ALK: variants seen among roughly 807,000 people sequenced by gnomAD.
ALK encodes the protein ALK tyrosine kinase receptor.
A neutral mutation model predicts 163.1 loss-of-function variants in ALK; 74 were observed. The observed-to-expected ratio is 0.45, with a 90% CI of 0.38 to 0.55. The LOEUF (loss-of-function observed/expected upper bound fraction) is 0.55, where lower values mean the gene tolerates loss of function less well. ALK is among the 20% of genes least tolerant of loss of function. ALK has a pLI of 0.00. For missense variants in ALK, 2,063 were observed against 2,105.3 expected, an observed-to-expected ratio of 0.98 and a Z score of 0.39; for synonymous variants, 960 against 843.2, an observed-to-expected ratio of 1.14 and a Z score of -2.40.
chr2:29,585,505 T>C (rs1674856527), intron 3 of ALK, among the ~76,000 whole-genome samples: 1 of 152,068 alleles, frequency 6.6e-6, no homozygotes, highest in Admixed American at 6.5e-5. Context: ...TTTTTATATT[T>C]TTAGTAGAGA....
intron 1 of ALK, among the ~76,000 whole-genome samples, chr2:29,780,260 A>G (rs1222013254): frequency 6.6e-6 from 1 of 152,152 alleles, no homozygotes; most frequent in East Asian, 1.9e-4. Context: ...CCTCCTGTCC[A>G]TGGACCTGAG....
intron 3 of ALK, among the ~76,000 whole-genome samples, chr2:29,621,107 G>C (rs534283035): frequency 6.6e-6 from 1 of 152,268 alleles, no homozygotes; most frequent in South Asian, 2.1e-4. Flanking sequence ...AGGAGGGGGA[G>C]AGATTCACAG....
chr2:29,905,932 T>C (rs1667534782), intron 1 of ALK, among the ~76,000 whole-genome samples: 1 of 152,190 alleles, frequency 6.6e-6, no homozygotes, highest in Non-Finnish European at 1.5e-5. Flanking sequence ...TGCATGGCCT[T>C]GGATACATTT....
intron 3 of ALK, among the ~76,000 whole-genome samples, chr2:29,645,391 A>C (rs961378721): frequency 6.6e-6 from 1 of 152,166 alleles, no homozygotes; most frequent in Non-Finnish European, 1.5e-5. Flanking sequence ...GGCTTCTTTC[A>C]TATAAGACCC....
At chr2:29,778,016 C>A (rs1213315088) in intron 1 of ALK, among the ~76,000 whole-genome samples, 1 of 152,212 alleles carries the variant, frequency 6.6e-6, no homozygotes, top group Non-Finnish European at 1.5e-5. Context: ...AGCAGGGGGA[C>A]ACCTCAGCTC....
At chr2:29,274,707 C>A (rs1383987648) in intron 11 of ALK, among the ~76,000 whole-genome samples, 1 of 152,168 alleles carries the variant, frequency 6.6e-6, no homozygotes, top group East Asian at 1.9e-4. Flanking sequence ...TACCTTTGTG[C>A]AACAGATAAC....
intron 1 of ALK, among the ~76,000 whole-genome samples, chr2:29,880,035 A>G (rs563852798): frequency 1.3e-5 from 2 of 152,358 alleles, no homozygotes; most frequent in South Asian, 4.1e-4. Flanking sequence ...AAGAAGCTCC[A>G]TACTACAGAT....
intron 8 of ALK, among the ~76,000 whole-genome samples, chr2:29,312,960 A>T (rs1666732766): frequency 6.6e-6 from 1 of 152,146 alleles, no homozygotes; most frequent in Admixed American, 6.5e-5. Flanking sequence ...CAAATACCTG[A>T]CCAAAGGGAC....
intron 3 of ALK, among the ~76,000 whole-genome samples, chr2:29,613,353 G>T (rs990271790): frequency 1.3e-5 from 2 of 152,016 alleles, no homozygotes; most frequent in South Asian, 2.1e-4. Flanking sequence ...AATTGTCCAG[G>T]TTTATTTGAG....
At chr2:29,603,591 G>GT (rs1224042032) in intron 3 of ALK, among the ~76,000 whole-genome samples, 4 of 151,782 alleles carry the variant, frequency 2.6e-5, no homozygotes, top group Non-Finnish European at 4.4e-5. Flanking sequence ...GTCTGAACTA[G>GT]TTTTTTTTAG....
At chr2:29,773,480 G>A (rs542246225) in intron 1 of ALK, among the ~76,000 whole-genome samples, 1 of 152,264 alleles carries the variant, frequency 6.6e-6, no homozygotes, top group East Asian at 1.9e-4. Flanking sequence ...TTAAGTCTCA[G>A]GTCTGACTCG....
intron 1 of ALK, among the ~76,000 whole-genome samples, chr2:29,760,298 A>C (rs1470377540): frequency 6.6e-6 from 1 of 152,130 alleles, no homozygotes; most frequent in Non-Finnish European, 1.5e-5. Context: ...TTCTGGTGCC[A>C]ACACTTACTA....
intron 1 of ALK, among the ~76,000 whole-genome samples, chr2:29,743,548 G>A (rs1278630149): frequency 6.6e-6 from 1 of 152,246 alleles, no homozygotes; most frequent in African/African-American, 2.4e-5. Flanking sequence ...TTTGTCATTA[G>A]TGAGCCCCTG....
chr2:29,390,315 G>A (rs1298434535), intron 4 of ALK, among the ~76,000 whole-genome samples: 4 of 152,076 alleles, frequency 2.6e-5, no homozygotes, highest in Non-Finnish European at 4.4e-5. Context: ...CCAAACTCAC[G>A]GGTGAGATCG....
intron 3 of ALK, among the ~76,000 whole-genome samples, chr2:29,666,303 G>A (rs539426723): frequency 1.3e-4 from 19 of 151,994 alleles, no homozygotes; most frequent in Admixed American, 2.6e-4. Flanking sequence ...CTAGATGGTC[G>A]TTTCTAGGGT....
intron 3 of ALK, among the ~76,000 whole-genome samples, chr2:29,606,005 C>T (rs1339333665): frequency 6.6e-6 from 1 of 152,114 alleles, no homozygotes; most frequent in Non-Finnish European, 1.5e-5. Flanking sequence ...ATGAAAAAGC[C>T]CCACTACCAT....
At chr2:29,446,076 G>A (rs1388436296) in intron 4 of ALK, among the ~76,000 whole-genome samples, 7 of 123,946 alleles carry the variant, frequency 5.6e-5, no homozygotes, top group Non-Finnish European at 9.9e-5. Context: ...TCCAGCCTGG[G>A]CGACAGAGCG....
chr2:29,226,298 T>C (rs1005405615), intron 18 of ALK, among the ~76,000 whole-genome samples: 4 of 151,360 alleles, frequency 2.6e-5, no homozygotes, highest in Non-Finnish European at 4.4e-5. Context: ...GGCCAAAAGG[T>C]GAAACCCTGT....
intron 4 of ALK, among the ~76,000 whole-genome samples, chr2:29,462,771 C>A (rs554195293): frequency 3.3e-5 from 5 of 152,284 alleles, no homozygotes; most frequent in Admixed American, 2.6e-4. Context: ...CCTTTTAAAG[C>A]AATGGCTCCT....
Sources: gnomAD v4.1 joint callset for allele counts (sites outside exome capture counted in the v4.1 genomes callset) on GRCh38, gnomAD v4.1.1 for gene constraint, MANE v1.5 for transcripts, NCBI Gene and HGNC (gene_info 2026-07-23, HGNC 2026-07-21) for gene names.